The following LONP2 variants were observed in gnomAD, a reference collection of about 807,000 sequenced individuals.
LONP2 encodes the protein lon peptidase 2, peroxisomal.
In LONP2, 60 loss-of-function variants were observed where a neutral mutation model predicts 85.6. The ratio of observed to expected loss-of-function variants is 0.70; its 90% confidence interval spans 0.57 to 0.87. The LOEUF (loss-of-function observed/expected upper bound fraction) is 0.87, where lower values mean the gene tolerates loss of function less well. LONP2 is among the 40% of genes least tolerant of loss of function. The pLI, the probability that LONP2 is intolerant of heterozygous loss-of-function variation, is 0.00. For missense variants in LONP2, 860 were observed against 1,063.5 expected (o/e 0.81, Z 2.66); for synonymous variants, 395 against 389.7 (o/e 1.01, Z -0.16).
chr16:48,279,225 C>G (rs1464606073), intron 8 of LONP2, among the ~76,000 whole-genome samples: 1 of 151,850 alleles, frequency 6.6e-6, no homozygotes, highest in Non-Finnish European at 1.5e-5. Flanking sequence ...CATTAGATAT[C>G]TGGACATTTT....
At chr16:48,310,632 G>C (rs562189468) in intron 11 of LONP2, among the ~76,000 whole-genome samples, 1 of 152,140 alleles carries the variant, frequency 6.6e-6, no homozygotes, top group African/African-American at 2.4e-5. Flanking sequence ...GATTACAGGC[G>C]TGAACCACCG....
intron 11 of LONP2, among the ~76,000 whole-genome samples, chr16:48,332,369 A>C (rs1959480437): frequency 6.6e-6 from 1 of 152,130 alleles, no homozygotes; most frequent in African/African-American, 2.4e-5. Context: ...TGAGGTCAGG[A>C]GTTCAAGACC....
intron 8 of LONP2, among the ~76,000 whole-genome samples, chr16:48,281,813 C>T (rs1567321409): frequency 1.3e-5 from 2 of 152,044 alleles, no homozygotes; most frequent in African/African-American, 4.8e-5. Flanking sequence ...GTAATTAGAC[C>T]AATAGTATAT....
intron 6 of LONP2, among the ~76,000 whole-genome samples, chr16:48,265,633 T>C (rs1433336301): frequency 6.6e-6 from 1 of 152,254 alleles, no homozygotes; most frequent in African/African-American, 2.4e-5. Context: ...AGCTTCGTAA[T>C]ATAACTTGAA....
At chr16:48,304,932 C>A (rs1972880999) in intron 11 of LONP2, among the ~76,000 whole-genome samples, 1 of 152,192 alleles carries the variant, frequency 6.6e-6, no homozygotes, top group African/African-American at 2.4e-5. Context: ...GATTAAAGAA[C>A]CATAATTTAT....
At chr16:48,305,171 A>G (rs1272137980) in intron 11 of LONP2, among the ~76,000 whole-genome samples, 1 of 152,228 alleles carries the variant, frequency 6.6e-6, no homozygotes, top group Non-Finnish European at 1.5e-5. Flanking sequence ...CAGTGCCTTC[A>G]TTATGTGGAG....
chr16:48,271,579 G>T (rs148580615), intron 7 of LONP2, among the ~76,000 whole-genome samples: 1 of 151,854 alleles, frequency 6.6e-6, no homozygotes, highest in Non-Finnish European at 1.5e-5. Context: ...AAATTCTTAC[G>T]CATTTAAAAA....
At chr16:48,345,396 A>G (rs1387320916) in intron 12 of LONP2, 3 of 152,208 alleles carry the variant, frequency 2.0e-5, no homozygotes, top group Non-Finnish European at 2.9e-5. Context: ...CATTCACCCA[A>G]CCCTAGAAAG....
At chr16:48,294,003 C>A (rs1972615090) in intron 8 of LONP2, among the ~76,000 whole-genome samples, 1 of 152,218 alleles carries the variant, frequency 6.6e-6, no homozygotes, top group Admixed American at 6.5e-5. Flanking sequence ...GTGGCGTGAT[C>A]TCAGCCCACG....
chr16:48,290,082 C>G (rs1024588333), intron 8 of LONP2, among the ~76,000 whole-genome samples: 1 of 152,082 alleles, frequency 6.6e-6, no homozygotes, highest in African/African-American at 2.4e-5. Flanking sequence ...ATTTTCGTTT[C>G]TTTAATCCCT....
intron 11 of LONP2, among the ~76,000 whole-genome samples, chr16:48,317,227 C>T (rs1220186931): frequency 1.3e-5 from 2 of 152,182 alleles, no homozygotes; most frequent in African/African-American, 4.8e-5. Context: ...ATACATTCAA[C>T]TTAGGAGTTA....
At chr16:48,321,934 T>C (rs561275728) in intron 11 of LONP2, among the ~76,000 whole-genome samples, 19 of 151,724 alleles carry the variant, frequency 1.3e-4, no homozygotes, top group African/African-American at 4.4e-4. Context: ...CTGTATTTTT[T>C]AATTTTTTTC....
intron 8 of LONP2, among the ~76,000 whole-genome samples, chr16:48,282,049 G>T (rs1972338801): frequency 6.6e-6 from 1 of 152,040 alleles, no homozygotes; most frequent in African/African-American, 2.4e-5. Flanking sequence ...CTTAAATAAG[G>T]CATACCTTGT....
rs1960170870 is a variant in LONP2, at chr16:48,352,118, C to G, written c.*316C>G. ...TACCTGGTAACTTGTTAGAAATGTA[C>G]ATTCTCAGGCTCCACAGCAGGCCGC... On this transcript the variant is annotated 3_prime_UTR_variant, in exon 15 of 15. Transcript: ENST00000285737. 6 of 265,506 alleles carry G rather than the reference C, an allele frequency of 2.3e-5. No individual in the cohort carries two copies. The Admixed American group carries it at 2.9e-4, about 13-fold the overall frequency. 16.4% of individuals were successfully genotyped at this position (265,506 alleles called of 1,614,324 possible).
intron 10 of LONP2, among the ~76,000 whole-genome samples, chr16:48,301,991 G>A (rs1442918702): frequency 6.6e-6 from 1 of 152,192 alleles, no homozygotes; most frequent in East Asian, 1.9e-4. Flanking sequence ...TAAACACCCA[G>A]AATTGAACAC....
At chr16:48,250,492 AC>A (rs1971613296) in intron 1 of LONP2, among the ~76,000 whole-genome samples, 1 of 151,950 alleles carries the variant, frequency 6.6e-6, no homozygotes, top group Admixed American at 6.6e-5. Context: ...AAAAAAAAAA[AC>A]AAAAAACAAA....
At chr16:48,294,147 G>T (rs747348243) in intron 8 of LONP2, among the ~76,000 whole-genome samples, 6 of 151,964 alleles carry the variant, frequency 3.9e-5, no homozygotes, top group Non-Finnish European at 7.4e-5. Flanking sequence ...CACCATGTTG[G>T]CTAGGCTGGT....
intron 8 of LONP2, 84 bp from the exon 9 acceptor site, chr16:48,295,931 C>T: frequency 7.8e-7 from 1 of 1,275,670 alleles, no homozygotes; most frequent in Non-Finnish European, 1.1e-6. Context: ...CCAACCTTGC[C>T]AGTACATCAT....
intron 1 of LONP2, 102 bp downstream of exon 1, chr16:48,244,723 C>G: frequency 1.3e-6 from 1 of 796,188 alleles, no homozygotes; most frequent in South Asian, 3.2e-5. Context: ...CAGTTCGGGG[C>G]GGCCTTCGCG....
Sources: allele counts gnomAD v4.1 joint callset (sites outside exome capture counted in the v4.1 genomes callset), GRCh38; gene constraint gnomAD v4.1.1; transcripts MANE v1.5; gene names NCBI Gene and HGNC (gene_info 2026-07-23, HGNC 2026-07-21).